Variants in UBR2 observed in about 807,000 individuals in gnomAD.
The protein encoded by UBR2 is ubiquitin protein ligase E3 component n-recognin 2, also known as E3 ubiquitin-protein ligase UBR2.
A neutral mutation model predicts 247.9 loss-of-function variants in UBR2; 92 were observed. That is an observed-to-expected ratio of 0.37 (90% confidence interval 0.31 to 0.44). UBR2 has a LOEUF of 0.44. Among genes scored for constraint, UBR2 ranks in the 20% least tolerant of loss-of-function variants. The probability of loss-of-function intolerance (pLI) is 1.00; values close to 1 mark genes in which losing one functional copy is unlikely to be tolerated. For synonymous variants in UBR2, 672 were observed against 693.5 expected (o/e 0.97, Z 0.49); for missense variants, 1,613 against 2,112.6 (o/e 0.76, Z 4.64).
At chr6:42,610,340 T>C (rs940667968) in intron 7 of UBR2, among the ~76,000 whole-genome samples, 6 of 152,218 alleles carry the variant, frequency 3.9e-5, no homozygotes, top group African/African-American at 1.4e-4. Flanking sequence ...TCTAGGTATA[T>C]ATGCAAAATA....
At chr6:42,664,248 C>T (rs935516486) in intron 32 of UBR2, 2 of 152,228 alleles carry the variant, frequency 1.3e-5, no homozygotes, top group Admixed American at 6.5e-5. Flanking sequence ...CACACAAATT[C>T]ATGAAGTGTT....
intron 21 of UBR2, among the ~76,000 whole-genome samples, chr6:42,647,580 T>C: frequency 6.6e-6 from 1 of 151,990 alleles, no homozygotes; most frequent in Non-Finnish European, 1.5e-5. Context: ...TGGGTAACAA[T>C]GTGAGACTCT....
At chr6:42,565,245 G>C (rs533651340) in intron 1 of UBR2, among the ~76,000 whole-genome samples, 2 of 152,264 alleles carry the variant, frequency 1.3e-5, no homozygotes, top group East Asian at 3.9e-4. Context: ...AGAGTTGTAG[G>C]AACACCCATT....
rs1402893522 is a variant in UBR2 at position 42,676,087 on chromosome 6, A to C, written c.4283A>C (p.Gln1428Pro). The change falls in exon 39 of 47, where the codon CAG (glutamine) becomes CCG (proline). Residue 1428 changes from glutamine to proline, a missense_variant. Transcript: ENST00000372901. ...TTGGTGCTTGCATTTCCTGCGTTGC[A>C]GTGTCAGGATTTTTCAGGGATCAGC... ...VGLVLAFPAL[Q>P]CQDFSGISLG... 3.1e-6 allele frequency: 5 copies of C among 1,613,380 alleles called. No homozygotes were observed. The highest frequency in any genetic ancestry group is 1.1e-5 in the South Asian group (1 of 90,916).
At chr6:42,634,957 G>A (rs935957339) in intron 13 of UBR2, among the ~76,000 whole-genome samples, 5 of 152,162 alleles carry the variant, frequency 3.3e-5, no homozygotes, top group African/African-American at 1.2e-4. Context: ...TTAATTAAAA[G>A]CTATTTATTG....
intron 11 of UBR2, chr6:42,619,435 ATATATATATATATATATATT>A (rs776176415): frequency 0.12 from 2,842 of 24,074 alleles, 309 homozygotes; most frequent in Non-Finnish European, 0.16. Context: ...ATATATATAT[ATATATATATATATATATATT>A]TTTTTTTTTT....
chr6:42,616,102 T>C lies in UBR2; in HGVS notation c.1182+12T>C. ...TTCGATTTGCAAAAGTAAGTGGCTT[T>C]TCAATTTTGAAAATAGGTTATATAT... On this transcript the variant is annotated intron_variant, in intron 10 of 46. Coordinates refer to ENST00000372901, the MANE Select transcript of UBR2 (RefSeq NM_001363705.2). 6.3e-7 allele frequency: 1 copy of C among 1,592,296 alleles called. No homozygotes were observed. The highest frequency in any genetic ancestry group is 8.5e-7 in the Non-Finnish European group (1 of 1,170,698).
chr6:42,614,366 G>GTACGTACATACATACGTATATA (rs1562311734), intron 8 of UBR2, among the ~76,000 whole-genome samples: 11 of 15,852 alleles, frequency 6.9e-4, no homozygotes, highest in Non-Finnish European at 1.4e-3. Flanking sequence ...GTATATATGT[G>GTACGTACATACATACGTATATA]TGTATGTGTG....
At position 42,580,451 on chromosome 6, in the gene UBR2, A is replaced by G. The variant is rs1791807185; in HGVS notation, c.338+6458A>G. ...ATTCAGGTAGGAAACGCAAATTTAT[A>G]TTACTAAAATTTTATCTCTTGGCCC... On this transcript the variant is annotated intron_variant, in intron 2 of 46. Transcript: ENST00000372901. Among the ~76,000 whole-genome samples, 3 of 152,190 alleles carry G rather than the reference A, an allele frequency of 2.0e-5. No homozygotes were observed. In the South Asian group the frequency reaches 6.2e-4, roughly 32 times the overall value.
At chr6:42,654,580 C>T (rs9394912) in intron 25 of UBR2, among the ~76,000 whole-genome samples, 41,622 of 151,982 alleles carry the variant, frequency 0.27, 5,732 homozygotes, top group East Asian at 0.3. Context: ...AAAAAATTAG[C>T]CAATCGTCAT....
At position 42,673,269 on chromosome 6, in the gene UBR2, T is replaced by TAA. The variant is rs1798546466; in HGVS notation, c.4087-522_4087-521insAA. Among the ~76,000 whole-genome samples, 5 of 152,282 alleles carry TAA rather than the reference T, an allele frequency of 3.3e-5. No homozygotes were observed. In the East Asian group the frequency reaches 9.6e-4, roughly 29 times the overall value. On this transcript the variant is annotated intron_variant, in intron 36 of 46. Transcript: ENST00000372901. ...TAGGATAAACATAAGAGATATGTGTTTTAGGGTATCTGTTTAGGATAAACA... is the reference window on the plus strand; with the variant it reads ...TAGGATAAACATAAGAGATATGTGTTAATTAGGGTATCTGTTTAGGATAAACA...
chr6:42,670,020 T>C (rs1798338696), intron 34 of UBR2, 72 bp from the exon 35 acceptor site: 1 of 1,540,518 alleles, frequency 6.5e-7, no homozygotes, highest in African/African-American at 1.4e-5. Context: ...AGCAAAGAGC[T>C]GTTAAGAAAC....
At chr6:42,582,208 G>T (rs989942117) in intron 2 of UBR2, among the ~76,000 whole-genome samples, 1 of 150,932 alleles carries the variant, frequency 6.6e-6, no homozygotes, top group Non-Finnish European at 1.5e-5. Context: ...ACGTGAACCC[G>T]GGAGGTGGAG....
intron 42 of UBR2, among the ~76,000 whole-genome samples, chr6:42,680,329 C>T (rs1365805076): frequency 1.3e-5 from 2 of 152,164 alleles, no homozygotes; most frequent in Non-Finnish European, 2.9e-5. Flanking sequence ...TTTCAGTAAA[C>T]TTTTTGCCAA....
intron 6 of UBR2, among the ~76,000 whole-genome samples, chr6:42,606,256 A>T (rs897093857): frequency 3.9e-5 from 6 of 152,242 alleles, no homozygotes; most frequent in African/African-American, 1.4e-4. Context: ...AAAAAAAAAA[A>T]TTTCATTTGA....
At chr6:42,580,441 G>A (rs1422656756) in intron 2 of UBR2, among the ~76,000 whole-genome samples, 2 of 152,154 alleles carry the variant, frequency 1.3e-5, no homozygotes, top group Admixed American at 6.5e-5. Flanking sequence ...GGTAGGAAAC[G>A]CAAATTTATA....
At position 42,594,270 on chromosome 6, in the gene UBR2, A is replaced by G. The variant is rs761585052; in HGVS notation, c.497A>G (p.His166Arg). Residue 166 changes from histidine to arginine, a missense_variant, in exon 4 of 47, where the codon CAT becomes CGT. His to Arg is a conservative substitution (Grantham distance 29). Coordinates refer to ENST00000372901, the MANE Select transcript of UBR2 (RefSeq NM_001363705.2). ...AAAGAGGGTCCTTACTGTCAAAAACATGAACTTAACACCTCTGAAATTGAG... is the reference window on the plus strand; with the variant it reads ...AAAGAGGGTCCTTACTGTCAAAAACGTGAACTTAACACCTCTGAAATTGAG... ...AWKEGPYCQK[H>R]ELNTSEIEEE... The G allele has an allele frequency of 6.2e-7, 1 of 1,612,984 alleles. No individual in the cohort carries two copies. Among genetic ancestry groups the G allele is most frequent in the Non-Finnish European group, 8.5e-7 (1 of 1,179,184 alleles).
intron 43 of UBR2, among the ~76,000 whole-genome samples, chr6:42,684,315 G>A (rs1469495287): frequency 1.3e-5 from 2 of 152,094 alleles, no homozygotes; most frequent in African/African-American, 4.8e-5. Flanking sequence ...ATTGGCTCAC[G>A]CCTGTAATCC....
Position 42,676,199 on chromosome 6 carries a change from T to G in UBR2, c.4387+8T>G. On this transcript the variant is annotated splice_region_variant and intron_variant, in intron 39 of 46. Coordinates refer to ENST00000372901, the MANE Select transcript of UBR2 (RefSeq NM_001363705.2). ...TACTTACCTCATGTACAGGTAACTC[T>G]TGCCTTTTTGTCAGTTTCTTGAAGG... 1 of 1,557,264 alleles carries G rather than the reference T, an allele frequency of 6.4e-7. No individual in the cohort carries two copies. The highest frequency in any genetic ancestry group is 8.6e-7 in the Non-Finnish European group (1 of 1,159,896).
Sources: allele counts gnomAD v4.1 joint callset (sites outside exome capture counted in the v4.1 genomes callset), GRCh38; gene constraint gnomAD v4.1.1; transcripts MANE v1.5; gene names NCBI Gene and HGNC (gene_info 2026-07-23, HGNC 2026-07-21).